The following TRIM49B variants were observed in gnomAD, a reference collection of about 807,000 sequenced individuals.
TRIM49B encodes tripartite motif containing 49B, also known as putative tripartite motif-containing protein 49B.
A neutral mutation model predicts 31.8 loss-of-function variants in TRIM49B; 18 were observed. The ratio of observed to expected loss-of-function variants is 0.57; its 90% CI spans 0.39 to 0.84. The LOEUF (loss-of-function observed/expected upper bound fraction) is 0.84. TRIM49B is among the 40% of genes least tolerant of loss of function. The pLI is 0.00. For missense variants in TRIM49B, 494 were observed against 538.7 expected (o/e 0.92, Z 0.82); for synonymous variants, 196 against 180.6 (o/e 1.09, Z -0.68).
chr11:49,030,123 C>T (rs553976420), intron 1 of TRIM49B, among the ~76,000 whole-genome samples: 12 of 152,216 alleles, frequency 7.9e-5, no homozygotes, highest in African/African-American at 1.9e-4. Context: ...AACCTGAGGC[C>T]AGAAGTTCAA....
Position 49,034,962 on chromosome 11 carries a change from G to C in TRIM49B, c.739-133G>C, listed in dbSNP as rs562548215. 1.9e-4 allele frequency: 280 copies of C among 1,476,528 alleles called. No homozygotes were observed. In the Middle Eastern group the frequency reaches 2.5e-3, roughly 13 times the overall value. The allele number at this position is 1,476,528 out of a possible 1,614,324, so 91.5% of individuals were successfully genotyped here. On this transcript the variant is annotated intron_variant, in intron 4 of 6. Coordinates refer to ENST00000332682, the MANE Select transcript of TRIM49B (RefSeq NM_001206626.2). The stretch of plus-strand genomic sequence containing the variant: ...TTTTCATTACAGAAGAAATGAAATA[G>C]AAAATACTTTCCAGAAGAGAAGATG...
intron 5 of TRIM49B, among the ~76,000 whole-genome samples, chr11:49,035,445 C>G (rs1165439515): frequency 6.9e-6 from 1 of 144,954 alleles, no homozygotes; most frequent in African/African-American, 2.5e-5. Context: ...CTGCAAGCTC[C>G]GCCTCCCGGG....
At position 49,032,382 on chromosome 11, in the gene TRIM49B, T is replaced by C. The variant is rs759178920; in HGVS notation, c.507+11T>C. The C allele has an allele frequency of 2.5e-6, 4 of 1,612,164 alleles. No homozygotes were observed. Among genetic ancestry groups the C allele is most frequent in the Non-Finnish European group, 3.4e-6 (4 of 1,179,392 alleles). On this transcript the variant is annotated intron_variant, in intron 3 of 6. Transcript: ENST00000332682. ...ACCAGATGCTGGAAGGTTAGTCCTG[T>C]ACTACTCTACCTTCTCCAGGAACTT... is the stretch of plus-strand genomic sequence containing the variant.
chr11:49,028,932 A>G lies in TRIM49B; in HGVS notation c.-48A>G, dbSNP rs1181659493. On this transcript the variant is annotated 5_prime_UTR_variant, in exon 1 of 7. Coordinates refer to ENST00000332682, the MANE Select transcript of TRIM49B (RefSeq NM_001206626.2). Reference sequence around the variant, plus strand: ...ACGTTGAGGTGAACTTAACAAAATTATTTTTGGAAAAATCGTTGTGGGAAC... The same window carrying G: ...ACGTTGAGGTGAACTTAACAAAATTGTTTTTGGAAAAATCGTTGTGGGAAC... 1.3e-5 allele frequency: 2 copies of G among 156,678 alleles called. No individual in the cohort carries two copies. The highest frequency in any genetic ancestry group is 2.9e-5 in the Non-Finnish European group (2 of 68,066). 9.7% of individuals were successfully genotyped at this position (156,678 alleles called of 1,614,324 possible).
chr11:49,035,233 A>AC, intron 5 of TRIM49B, 116 bp downstream of exon 5: 1 of 1,526,748 alleles, frequency 6.5e-7, no homozygotes, highest in Non-Finnish European at 8.8e-7. Context: ...TATTGATACC[A>AC]CTTTTTTTTT....
chr11:49,032,240 T>A lies in TRIM49B; in HGVS notation c.412-36T>A, dbSNP rs190349158. 823 of 1,612,718 alleles carry A rather than the reference T, an allele frequency of 5.1e-4. 1 individual carries two copies. In the Middle Eastern group the frequency reaches 9.4e-3, roughly 19 times the overall value. On this transcript the variant is annotated intron_variant, in intron 2 of 6. Transcript: ENST00000332682. ...TCTGGGGCCCCTCCCTATGTCATGG[T>A]CTGCACTGGTGCTTCAATTTATGGC... is the stretch of plus-strand genomic sequence containing the variant.
At chr11:49,032,237 T>G (rs1310721550) in intron 2 of TRIM49B, 39 bp from the exon 3 acceptor site, 2 of 1,612,646 alleles carry the variant, frequency 1.2e-6, no homozygotes, top group Non-Finnish European at 1.7e-6. Flanking sequence ...CCCTATGTCA[T>G]GGTCTGCACT....
Position 49,031,923 on chromosome 11 carries a change from G to A in TRIM49B, c.324G>A (p.Arg108=), listed in dbSNP as rs769527289. The change falls in exon 2 of 7, where the codon AGG becomes AGA. Residue 108 remains arginine (R), a synonymous_variant. Transcript: ENST00000332682. ...AGAAGATGTTCTGTGAAGTGGACAG[G>A]AGCCTGCTCTGTTTGCTGTGCTCCA... ...ETKKMFCEVD[R]SLLCLLCSSS... 9 of 1,612,182 alleles carry A rather than the reference G, an allele frequency of 5.6e-6. No homozygotes were observed. The highest frequency in any genetic ancestry group is 2.7e-5 in the African/African-American group (2 of 74,980).
chr11:49,033,882 G>A (rs1854485669), intron 3 of TRIM49B, among the ~76,000 whole-genome samples: 1 of 152,098 alleles, frequency 6.6e-6, no homozygotes, highest in Non-Finnish European at 1.5e-5. Flanking sequence ...AATATGGGTT[G>A]GAATAGCGAA....
chr11:49,028,997 A>C (rs1226439631), intron 1 of TRIM49B, 22 bp downstream of exon 1: 2 of 152,890 alleles, frequency 1.3e-5, no homozygotes, highest in East Asian at 3.9e-4. Flanking sequence ...ATATTGATAA[A>C]ATTATATCAT....
rs762204729 is a variant in TRIM49B at position 49,036,288 on chromosome 11, T to C, written c.762-13T>C. The C allele has an allele frequency of 6.5e-7, 1 of 1,546,032 alleles. No individual in the cohort carries two copies. The highest frequency in any genetic ancestry group is 8.8e-7 in the Non-Finnish European group (1 of 1,137,392). The stretch of plus-strand genomic sequence containing the variant: ...TGGCTGTAGATGTTGTAACTGCAGG[T>C]TTTTCCTTGCAGGAGTGAGTCCGTG... On this transcript the variant is annotated splice_polypyrimidine_tract_variant and intron_variant, in intron 5 of 6. Transcript: ENST00000332682.
chr11:49,036,501 A>T (rs1191318487), intron 6 of TRIM49B, 103 bp downstream of exon 6: 1 of 715,178 alleles, frequency 1.4e-6, no homozygotes, highest in Non-Finnish European at 2.2e-6. Flanking sequence ...TACTTCTTTT[A>T]AGACATAAGT....
chr11:49,034,178 A>G lies in TRIM49B; in HGVS notation c.540A>G (p.Arg180=). ...TGAATTTAAGGCTAGAAGCAATTAG[A>G]GCTGAGTATCAGAAGATGCCTGCAT... ...DYVNLRLEAI[R]AEYQKMPAFH... Residue 180 remains arginine (R), a synonymous_variant, in exon 4 of 7, where the codon AGA becomes AGG. Transcript: ENST00000332682. 1 of 1,611,954 alleles carries G rather than the reference A, an allele frequency of 6.2e-7. No individual in the cohort carries two copies. The highest frequency in any genetic ancestry group is 2.2e-5 in the East Asian group (1 of 44,862).
Position 49,037,719 on chromosome 11 carries a change from G to A in TRIM49B, c.1101G>A (p.Gln367=), listed in dbSNP as rs182929455. 610 of 1,613,936 alleles carry A rather than the reference G, an allele frequency of 3.8e-4. 4 individuals carry two copies. In the African/African-American group the frequency reaches 7.4e-3, roughly 20 times the overall value. Residue 367 remains glutamine (Q), a synonymous_variant, in exon 7 of 7, where the codon CAG becomes CAA. Coordinates refer to ENST00000332682, the MANE Select transcript of TRIM49B (RefSeq NM_001206626.2). ...ATATGTATTGGAAAGAGAAGAATCA[G>A]AATGAGAAGATAGATGGAGAGGATG... ...VCNMYWKEKN[Q]NEKIDGEDGL...
At chr11:49,030,683 C>T (rs1310388313) in intron 1 of TRIM49B, among the ~76,000 whole-genome samples, 8 of 152,170 alleles carry the variant, frequency 5.3e-5, no homozygotes, top group Admixed American at 1.3e-4. Context: ...CACCAACTCA[C>T]ATATCTCTCT....
intron 3 of TRIM49B, among the ~76,000 whole-genome samples, chr11:49,032,954 G>T (rs1370650868): frequency 2.0e-5 from 3 of 152,142 alleles, no homozygotes; most frequent in Admixed American, 6.5e-5. Context: ...AAACATGCCA[G>T]AAATATGGGA....
intron 3 of TRIM49B, among the ~76,000 whole-genome samples, chr11:49,033,494 T>C (rs1358865473): frequency 1.3e-5 from 2 of 152,004 alleles, no homozygotes; most frequent in African/African-American, 2.4e-5. Flanking sequence ...TATGTATGTA[T>C]GTGTGTGTGT....
At chr11:49,033,273 A>G (rs1270916407) in intron 3 of TRIM49B, among the ~76,000 whole-genome samples, 2 of 152,184 alleles carry the variant, frequency 1.3e-5, no homozygotes, top group African/African-American at 4.8e-5. Flanking sequence ...CAAGCAGGGA[A>G]GTAGAAAAGG....
chr11:49,036,166 A>G, intron 5 of TRIM49B, 135 bp from the exon 6 acceptor site: 1 of 1,503,004 alleles, frequency 6.7e-7, no homozygotes, highest in Non-Finnish European at 9.0e-7. Flanking sequence ...ATTAATTTGC[A>G]AAAGGAAGGA....
Sources: gnomAD v4.1 joint callset for allele counts (sites outside exome capture counted in the v4.1 genomes callset) on GRCh38, gnomAD v4.1.1 for gene constraint, MANE v1.5 for transcripts, NCBI Gene and HGNC (gene_info 2026-07-23, HGNC 2026-07-21) for gene names.